DAB1: variants seen among roughly 807,000 people sequenced by gnomAD.
The protein encoded by DAB1 is disabled homolog 1.
Under a neutral mutation model 64.6 loss-of-function variants are expected in DAB1, and 15 were observed. The observed-to-expected ratio is 0.23, with a 90% CI of 0.16 to 0.36. DAB1 has a LOEUF of 0.36. Ranked by LOEUF, DAB1 falls within the 10% of genes least tolerant of loss-of-function variation. DAB1 has a pLI of 1.00. For missense variants in DAB1, 596 were observed against 706.7 expected (o/e 0.84, Z 1.78); for synonymous variants, 235 against 251.9 (o/e 0.93, Z 0.64).
intron 2 of DAB1, among the ~76,000 whole-genome samples, chr1:57,277,866 G>C (rs1671593212): frequency 6.6e-6 from 1 of 152,150 alleles, no homozygotes; most frequent in Non-Finnish European, 1.5e-5. Flanking sequence ...GCTTCTTCCA[G>C]TGCAAGTCCC....
chr1:57,571,540 T>C (rs376222962), intron 7 of DAB1, among the ~76,000 whole-genome samples: 35 of 152,340 alleles, frequency 2.3e-4, no homozygotes, highest in Middle Eastern at 3.4e-3. Flanking sequence ...AATGTGCTAG[T>C]AATTTGAGAG....
intron 7 of DAB1, among the ~76,000 whole-genome samples, chr1:57,451,994 G>A (rs76682518): frequency 0.013 from 2,026 of 151,940 alleles, 35 homozygotes; most frequent in African/African-American, 0.04. Flanking sequence ...ATTATTGCAC[G>A]TGACCCTCAT....
At chr1:58,317,952 C>T (rs769847498) in intron 4 of DAB1, among the ~76,000 whole-genome samples, 9 of 152,196 alleles carry the variant, frequency 5.9e-5, no homozygotes, top group Non-Finnish European at 4.4e-5. Flanking sequence ...TGCTTTGTGT[C>T]TCTTGATCTT....
At chr1:57,939,038 C>T (rs1645065792) in intron 5 of DAB1, among the ~76,000 whole-genome samples, 1 of 152,148 alleles carries the variant, frequency 6.6e-6, no homozygotes, top group Non-Finnish European at 1.5e-5. Flanking sequence ...ACACCGTAGA[C>T]AGGGTAGCTT....
chr1:57,592,378 C>T (rs1456982579), intron 7 of DAB1, among the ~76,000 whole-genome samples: 2 of 152,042 alleles, frequency 1.3e-5, no homozygotes, highest in Non-Finnish European at 2.9e-5. Context: ...GGATTGAGAG[C>T]CCAGCCAGTC....
chr1:57,723,765 C>CT (rs539162643), intron 6 of DAB1, among the ~76,000 whole-genome samples: 16 of 152,092 alleles, frequency 1.1e-4, no homozygotes, highest in East Asian at 7.8e-4. Context: ...ACCCACATGG[C>CT]TTTTTTTTGT....
intron 3 of DAB1, among the ~76,000 whole-genome samples, chr1:58,444,384 C>T (rs1250014467): frequency 1.3e-5 from 2 of 152,190 alleles, no homozygotes; most frequent in African/African-American, 2.4e-5. Flanking sequence ...AAAACTAAGG[C>T]TCAGAGATGT....
chr1:57,248,813 C>T (rs1010250152), intron 2 of DAB1, among the ~76,000 whole-genome samples: 9 of 152,184 alleles, frequency 5.9e-5, no homozygotes, highest in African/African-American at 2.2e-4. Flanking sequence ...CTCAGGCCCT[C>T]ATTACTGTAT....
chr1:57,949,678 T>G (rs1276244278), intron 5 of DAB1, among the ~76,000 whole-genome samples: 1 of 152,174 alleles, frequency 6.6e-6, no homozygotes, highest in Non-Finnish European at 1.5e-5. Flanking sequence ...GATTTTCTCT[T>G]CTCACCCAAC....
At chr1:57,099,625 G>A (rs1158155425) in intron 4 of DAB1, among the ~76,000 whole-genome samples, 3 of 152,200 alleles carry the variant, frequency 2.0e-5, no homozygotes, top group Non-Finnish European at 4.4e-5. Context: ...GCAGTCTAAA[G>A]TGGAAACAGG....
intron 4 of DAB1, among the ~76,000 whole-genome samples, chr1:57,075,360 T>C (rs58424571): frequency 0.03 from 4,507 of 152,286 alleles, 124 homozygotes; most frequent in African/African-American, 0.073. Context: ...TGTAGCTGTG[T>C]GTGTGAGCGT....
intron 2 of DAB1, among the ~76,000 whole-genome samples, chr1:57,237,396 T>G (rs1448357522): frequency 2.0e-5 from 3 of 152,110 alleles, no homozygotes; most frequent in Non-Finnish European, 2.9e-5. Flanking sequence ...GATAGGAAAA[T>G]AAATTATCCC....
intron 6 of DAB1, among the ~76,000 whole-genome samples, chr1:57,716,302 A>C (rs986922003): frequency 6.6e-6 from 1 of 152,238 alleles, no homozygotes; most frequent in Non-Finnish European, 1.5e-5. Flanking sequence ...CTTGAGGAAA[A>C]ATAAAGCTGG....
At chr1:57,013,247 T>C (rs937357238) in intron 12 of DAB1, among the ~76,000 whole-genome samples, 1 of 152,214 alleles carries the variant, frequency 6.6e-6, no homozygotes. Context: ...CTTTCCCAAA[T>C]GCCTCTCATG....
At chr1:57,399,257 T>C (rs1456787389) in intron 1 of DAB1, among the ~76,000 whole-genome samples, 1 of 152,150 alleles carries the variant, frequency 6.6e-6, no homozygotes, top group Non-Finnish European at 1.5e-5. Flanking sequence ...AGCGACTGAA[T>C]CTTATTCTTC....
intron 5 of DAB1, among the ~76,000 whole-genome samples, chr1:58,025,124 C>T (rs913204988): frequency 6.6e-6 from 1 of 152,022 alleles, no homozygotes; most frequent in Admixed American, 6.6e-5. Context: ...CACTCACACA[C>T]ACACACACAC....
intron 4 of DAB1, among the ~76,000 whole-genome samples, chr1:58,169,625 C>T (rs1374330071): frequency 6.6e-6 from 1 of 152,302 alleles, no homozygotes; most frequent in Admixed American, 6.5e-5. Context: ...TATGTCCAAG[C>T]TTTCTTTTCA....
At chr1:58,328,236 G>A (rs1224717782) in intron 4 of DAB1, among the ~76,000 whole-genome samples, 7 of 152,174 alleles carry the variant, frequency 4.6e-5, no homozygotes, top group Non-Finnish European at 1.0e-4. Flanking sequence ...ATCTGCTTCT[G>A]GAGAACCTAA....
intron 1 of DAB1, among the ~76,000 whole-genome samples, chr1:57,422,187 T>C (rs530351439): frequency 1.3e-3 from 191 of 152,290 alleles, no homozygotes; most frequent in Non-Finnish European, 2.1e-3. Context: ...ACGTTAAGTG[T>C]TGTAAAGTGT....
Sources: allele counts gnomAD v4.1 joint callset (sites outside exome capture counted in the v4.1 genomes callset), GRCh38; gene constraint gnomAD v4.1.1; transcripts MANE v1.5; gene names NCBI Gene and HGNC (gene_info 2026-07-23, HGNC 2026-07-21).